STPG2: variants seen among roughly 807,000 people sequenced by gnomAD.
STPG2 encodes sperm-tail PG-rich repeat-containing protein 2.
Under a neutral mutation model 54.2 loss-of-function variants are expected in STPG2, and 56 were observed. The ratio of observed to expected loss-of-function variants is 1.03; its 90% CI spans 0.83 to 1.29. The LOEUF (loss-of-function observed/expected upper bound fraction) is 1.29. Ranked by LOEUF, STPG2 falls within the 50% of genes most tolerant of loss-of-function variation. The pLI is 0.00. For missense variants in STPG2, 596 were observed against 544.9 expected (o/e 1.09, Z -0.93); for synonymous variants, 200 against 181.8 (o/e 1.10, Z -0.81).
At chr4:98,065,885 C>G (rs760116326) in intron 5 of STPG2, among the ~76,000 whole-genome samples, 5 of 152,012 alleles carry the variant, frequency 3.3e-5, no homozygotes, top group Non-Finnish European at 5.9e-5. Context: ...ATACACCTAC[C>G]AAGTATATAT....
chr4:97,698,929 G>T (rs1452149305), intron 10 of STPG2, among the ~76,000 whole-genome samples: 1 of 152,120 alleles, frequency 6.6e-6, no homozygotes, highest in Non-Finnish European at 1.5e-5. Flanking sequence ...ATGCTGTGTG[G>T]AATACCATGA....
At chr4:98,128,699 G>T in intron 2 of STPG2, 107 bp from the exon 3 acceptor site, 2 of 891,120 alleles carry the variant, frequency 2.2e-6, no homozygotes, top group Non-Finnish European at 3.2e-6. Flanking sequence ...TTGATTTAAT[G>T]AGTTTCATGA....
At chr4:97,479,075 C>T (rs992076149) in intron 4 of STPG2, among the ~76,000 whole-genome samples, 1 of 151,084 alleles carries the variant, frequency 6.6e-6, no homozygotes, top group African/African-American at 2.4e-5. Flanking sequence ...AATATAAAAA[C>T]AAAAAATTTG....
At chr4:97,451,018 C>CTA (rs1461843379) in intron 4 of STPG2, among the ~76,000 whole-genome samples, 2 of 152,002 alleles carry the variant, frequency 1.3e-5, no homozygotes, top group Non-Finnish European at 2.9e-5. Flanking sequence ...AGGGAAGACA[C>CTA]TATAGACCAA....
chr4:97,949,676 T>C (rs1401657993), intron 7 of STPG2, among the ~76,000 whole-genome samples: 4 of 152,156 alleles, frequency 2.6e-5, no homozygotes, highest in East Asian at 1.9e-4. Context: ...TTTTGGCCGA[T>C]GGTTATCCTA....
chr4:98,115,792 T>C (rs1441051338), intron 3 of STPG2, among the ~76,000 whole-genome samples: 1 of 152,012 alleles, frequency 6.6e-6, no homozygotes, highest in Non-Finnish European at 1.5e-5. Context: ...CCTGTGTTTT[T>C]CTGCAGGAGA....
chr4:97,711,650 T>A (rs976869498), intron 10 of STPG2, among the ~76,000 whole-genome samples: 4 of 151,840 alleles, frequency 2.6e-5, no homozygotes, highest in African/African-American at 9.7e-5. Context: ...GATTGTGACA[T>A]TTTATTTTTA....
At chr4:97,469,083 C>T (rs1251746098) in intron 4 of STPG2, among the ~76,000 whole-genome samples, 3 of 151,958 alleles carry the variant, frequency 2.0e-5, no homozygotes, top group Non-Finnish European at 4.4e-5. Flanking sequence ...ATGAGAAAAA[C>T]AAAGGTTGGT....
At chr4:97,533,681 T>A (rs1178930380) in intron 4 of STPG2, among the ~76,000 whole-genome samples, 1 of 152,128 alleles carries the variant, frequency 6.6e-6, no homozygotes. Context: ...ATGTCAAATT[T>A]TTGAGATTTT....
chr4:97,534,238 G>A (rs1731479488), intron 4 of STPG2, among the ~76,000 whole-genome samples: 1 of 151,932 alleles, frequency 6.6e-6, no homozygotes, highest in Admixed American at 6.6e-5. Context: ...ATGGTCATGA[G>A]GTATCTGTTC....
intron 8 of STPG2, among the ~76,000 whole-genome samples, chr4:97,891,407 G>T (rs1181734872): frequency 6.6e-6 from 1 of 151,868 alleles, no homozygotes; most frequent in Non-Finnish European, 1.5e-5. Context: ...GACATTTTGA[G>T]AACAGTAATA....
chr4:97,587,846 T>G (rs757265273), intron 10 of STPG2, among the ~76,000 whole-genome samples: 2 of 151,998 alleles, frequency 1.3e-5, no homozygotes, highest in Non-Finnish European at 2.9e-5. Context: ...TGACCCTCCT[T>G]AAGTCTGAAT....
chr4:97,602,492 T>G (rs2148907800), intron 10 of STPG2, among the ~76,000 whole-genome samples: 1 of 151,940 alleles, frequency 6.6e-6, no homozygotes, highest in Non-Finnish European at 1.5e-5. Context: ...CATCTTTTTC[T>G]CTTTCTTGAA....
chr4:97,706,018 G>T (rs540733768), intron 10 of STPG2, among the ~76,000 whole-genome samples: 1 of 152,080 alleles, frequency 6.6e-6, no homozygotes, highest in African/African-American at 2.4e-5. Flanking sequence ...TTTTATCCTT[G>T]TATCTGAGCT....
In STPG2 at chr4:97,669,042, TA is replaced by T. The variant is rs903138398; in HGVS notation, c.1320+43656del. ...GACATGAACAATGATCCAGAGAGGT[TA>T]AAAAAAAAAATCAGGAAGAAGTCGT... On this transcript the variant is annotated intron_variant, in intron 10 of 10. Transcript: ENST00000295268. Among the ~76,000 whole-genome samples the T allele has an allele frequency of 5.9e-3, 865 of 146,174 alleles. 3 individuals carry two copies. The highest frequency in any genetic ancestry group is 0.021 in the Middle Eastern group (6 of 288).
At chr4:97,886,293 A>G (rs1016636226) in intron 8 of STPG2, among the ~76,000 whole-genome samples, 1 of 152,220 alleles carries the variant, frequency 6.6e-6, no homozygotes, top group African/African-American at 2.4e-5. Flanking sequence ...AAAAAATAAA[A>G]CATTTATTTG....
At chr4:98,095,705 C>T (rs1578850017) in intron 5 of STPG2, among the ~76,000 whole-genome samples, 1 of 152,108 alleles carries the variant, frequency 6.6e-6, no homozygotes, top group Non-Finnish European at 1.5e-5. Context: ...AAGATATACA[C>T]CAATACAATA....
intron 7 of STPG2, among the ~76,000 whole-genome samples, chr4:97,960,743 G>C (rs1409315743): frequency 6.6e-6 from 1 of 152,140 alleles, no homozygotes; most frequent in Non-Finnish European, 1.5e-5. Context: ...TGGATGGGTA[G>C]AATCAATATT....
At chr4:97,965,568 A>C (rs976835656) in intron 7 of STPG2, among the ~76,000 whole-genome samples, 6 of 152,180 alleles carry the variant, frequency 3.9e-5, no homozygotes, top group African/African-American at 1.4e-4. Context: ...CACGTAGACG[A>C]ACTAGGAGAC....
Sources: gnomAD v4.1 joint callset for allele counts (sites outside exome capture counted in the v4.1 genomes callset) on GRCh38, gnomAD v4.1.1 for gene constraint, MANE v1.5 for transcripts, NCBI Gene and HGNC (gene_info 2026-07-23, HGNC 2026-07-21) for gene names.